The following NALF1 variants were observed in gnomAD, a reference collection of about 807,000 sequenced individuals.
The protein encoded by NALF1 is NALCN channel auxiliary factor 1.
NALF1 carries 3 observed loss-of-function variants against 48.4 expected under a neutral mutation model. The observed-to-expected ratio is 0.06, with a 90% CI of 0.03 to 0.16. The LOEUF is 0.16. NALF1 is among the 10% of genes least tolerant of loss of function. NALF1 has a pLI of 1.00. For missense variants in NALF1, 526 were observed against 571.5 expected (o/e 0.92, Z 0.81); for synonymous variants, 262 against 245.7 (o/e 1.07, Z -0.62).
intron 1 of NALF1, among the ~76,000 whole-genome samples, chr13:107,495,971 A>T (rs1467327209): frequency 6.6e-6 from 1 of 152,154 alleles, no homozygotes; most frequent in Non-Finnish European, 1.5e-5. Context: ...GTTCAATGTT[A>T]TGTGTAGGTT....
At chr13:107,783,402 T>C (rs368455150) in intron 1 of NALF1, among the ~76,000 whole-genome samples, 2 of 151,862 alleles carry the variant, frequency 1.3e-5, no homozygotes, top group Non-Finnish European at 2.9e-5. Flanking sequence ...ATGACAATGG[T>C]GGTTTTGTGG....
intron 1 of NALF1, among the ~76,000 whole-genome samples, chr13:107,344,202 C>T (rs1446772074): frequency 6.6e-6 from 1 of 151,902 alleles, no homozygotes; most frequent in Non-Finnish European, 1.5e-5. Flanking sequence ...AATCAGAAAC[C>T]TCCCAATAAA....
chr13:107,383,562 G>A (rs908738230), intron 1 of NALF1, among the ~76,000 whole-genome samples: 4 of 151,724 alleles, frequency 2.6e-5, no homozygotes, highest in Non-Finnish European at 5.9e-5. Context: ...TTATTCTTAC[G>A]AGGACTACAT....
chr13:107,805,095 C>T (rs578002420), intron 1 of NALF1, among the ~76,000 whole-genome samples: 1 of 152,180 alleles, frequency 6.6e-6, no homozygotes, highest in Non-Finnish European at 1.5e-5. Context: ...AAGATAATCA[C>T]TCTCAAGTCA....
At chr13:107,379,485 T>C (rs2094574425) in intron 1 of NALF1, among the ~76,000 whole-genome samples, 1 of 152,162 alleles carries the variant, frequency 6.6e-6, no homozygotes, top group Admixed American at 6.5e-5. Flanking sequence ...CACAGCAAGC[T>C]ATAGGAAATT....
At chr13:107,372,009 C>T (rs148601891) in intron 1 of NALF1, among the ~76,000 whole-genome samples, 145 of 152,242 alleles carry the variant, frequency 9.5e-4, no homozygotes, top group African/African-American at 3.3e-3. Context: ...GGCCGTGATT[C>T]TGTGTATTTA....
chr13:107,754,354 A>AACACACAC (rs6145234), intron 1 of NALF1, among the ~76,000 whole-genome samples: 65 of 142,410 alleles, frequency 4.6e-4, no homozygotes, highest in East Asian at 1.1e-3. Flanking sequence ...GTACATTGTG[A>AACACACAC]ACACACACAC....
At chr13:107,758,756 A>G (rs1275315327) in intron 1 of NALF1, among the ~76,000 whole-genome samples, 1 of 152,166 alleles carries the variant, frequency 6.6e-6, no homozygotes, top group African/African-American at 2.4e-5. Context: ...AAAAGCACGT[A>G]TAATTGCCAA....
At chr13:107,661,442 T>C (rs1318255178) in intron 1 of NALF1, among the ~76,000 whole-genome samples, 1 of 152,162 alleles carries the variant, frequency 6.6e-6, no homozygotes, top group Non-Finnish European at 1.5e-5. Flanking sequence ...TTCAAGGATG[T>C]AGAGAAGACG....
chr13:107,771,863 A>G (rs1473023111), intron 1 of NALF1, among the ~76,000 whole-genome samples: 1 of 152,028 alleles, frequency 6.6e-6, no homozygotes, highest in East Asian at 1.9e-4. Context: ...CAGCCTCTGG[A>G]GTAGTTGGGA....
chr13:107,593,125 C>G (rs569958350), intron 1 of NALF1, among the ~76,000 whole-genome samples: 3 of 151,854 alleles, frequency 2.0e-5, no homozygotes, highest in African/African-American at 7.2e-5. Context: ...ATATTGTGTT[C>G]ATTTTTAAAT....
At chr13:107,830,017 G>C (rs760748863) in intron 1 of NALF1, among the ~76,000 whole-genome samples, 1 of 152,050 alleles carries the variant, frequency 6.6e-6, no homozygotes, top group African/African-American at 2.4e-5. Flanking sequence ...ACCCTAACTC[G>C]CAGAAGATTA....
intron 1 of NALF1, among the ~76,000 whole-genome samples, chr13:107,253,690 A>C (rs7317862): frequency 0.11 from 17,285 of 152,056 alleles, 1,157 homozygotes; most frequent in African/African-American, 0.17. Context: ...TCTACCTTGT[A>C]TTTGTTTCTC....
chr13:107,271,810 A>ATATATT (rs1555329802), intron 1 of NALF1, among the ~76,000 whole-genome samples: 1 of 13,796 alleles, frequency 7.2e-5, no homozygotes, highest in African/African-American at 1.1e-4. Flanking sequence ...ATATATATAT[A>ATATATT]TATATATTTA....
At chr13:107,314,524 C>T (rs1052979476) in intron 1 of NALF1, among the ~76,000 whole-genome samples, 1 of 152,128 alleles carries the variant, frequency 6.6e-6, no homozygotes, top group Admixed American at 6.6e-5. Flanking sequence ...TTTACCCCAT[C>T]TGACTCCTAC....
At chr13:107,449,175 C>T (rs950298164) in intron 1 of NALF1, among the ~76,000 whole-genome samples, 4 of 152,068 alleles carry the variant, frequency 2.6e-5, no homozygotes, top group East Asian at 1.9e-4. Flanking sequence ...ACCCAGGAGG[C>T]GGAGGTTGCA....
chr13:107,395,636 C>T (rs1243005100), intron 1 of NALF1, among the ~76,000 whole-genome samples: 2 of 152,090 alleles, frequency 1.3e-5, no homozygotes, highest in Admixed American at 1.3e-4. Flanking sequence ...CTTGCTAGGG[C>T]TGCCATAACA....
chr13:107,818,705 T>A (rs1879251317), intron 1 of NALF1, among the ~76,000 whole-genome samples: 1 of 149,926 alleles, frequency 6.7e-6, no homozygotes. Context: ...ACCCCGTCTC[T>A]ACTAAAAATA....
intron 1 of NALF1, among the ~76,000 whole-genome samples, chr13:107,791,935 G>C (rs1324106764): frequency 1.3e-5 from 2 of 152,106 alleles, no homozygotes; most frequent in East Asian, 1.9e-4. Context: ...GCTCCAGCCT[G>C]GTGAACAAGA....
Sources: allele counts gnomAD v4.1 joint callset (sites outside exome capture counted in the v4.1 genomes callset), GRCh38; gene constraint gnomAD v4.1.1; transcripts MANE v1.5; gene names NCBI Gene and HGNC (gene_info 2026-07-23, HGNC 2026-07-21).